Variants in GSTCD observed in about 807,000 individuals in gnomAD.
GSTCD encodes the protein glutathione S-transferase C-terminal domain containing, also known as glutathione S-transferase C-terminal domain-containing protein.
A neutral mutation model predicts 68.3 loss-of-function variants in GSTCD; 44 were observed. The observed-to-expected ratio is 0.64, with a 90% CI of 0.51 to 0.83. GSTCD has a LOEUF of 0.83. GSTCD is among the 40% of genes least tolerant of loss of function. The probability of loss-of-function intolerance (pLI) is 0.00; values close to 1 mark genes in which losing one functional copy is unlikely to be tolerated. For missense variants in GSTCD, 739 were observed against 735.9 expected (o/e 1.00, Z -0.05); for synonymous variants, 273 against 255.2 (o/e 1.07, Z -0.67).
chr4:105,803,374 T>C (rs1397914379), intron 5 of GSTCD, among the ~76,000 whole-genome samples: 2 of 151,856 alleles, frequency 1.3e-5, no homozygotes, highest in Admixed American at 6.6e-5. Flanking sequence ...AGAGAGGAGA[T>C]AGAAAAAGTA....
At chr4:105,734,231 C>T (rs1733371819) in intron 5 of GSTCD, among the ~76,000 whole-genome samples, 1 of 152,174 alleles carries the variant, frequency 6.6e-6, no homozygotes, top group Non-Finnish European at 1.5e-5. Context: ...TGAATGTTGG[C>T]CTGCCTTGCT....
chr4:105,728,929 C>T (rs988026093), intron 4 of GSTCD, among the ~76,000 whole-genome samples: 4 of 152,086 alleles, frequency 2.6e-5, no homozygotes, highest in Admixed American at 2.6e-4. Context: ...ATTAAAGGCA[C>T]TTATAAAAGA....
intron 8 of GSTCD, among the ~76,000 whole-genome samples, chr4:105,833,904 A>T (rs979528190): frequency 9.9e-5 from 15 of 152,096 alleles, no homozygotes; most frequent in African/African-American, 3.6e-4. Context: ...GTAACTCATC[A>T]TTCAATGTTA....
intron 5 of GSTCD, among the ~76,000 whole-genome samples, chr4:105,733,593 G>A (rs1008250881): frequency 3.3e-5 from 5 of 152,150 alleles, no homozygotes; most frequent in Non-Finnish European, 4.4e-5. Flanking sequence ...CTGCACGTCA[G>A]ATGGCTCTCC....
chr4:105,800,128 A>G (rs961264794), intron 5 of GSTCD, among the ~76,000 whole-genome samples: 5 of 152,220 alleles, frequency 3.3e-5, no homozygotes, highest in Middle Eastern at 3.2e-3. Flanking sequence ...TGGGCAATTT[A>G]CAAAGGAAAG....
chr4:105,800,431 A>G (rs1217128561), intron 5 of GSTCD, among the ~76,000 whole-genome samples: 1 of 152,174 alleles, frequency 6.6e-6, no homozygotes, highest in Non-Finnish European at 1.5e-5. Flanking sequence ...CAGCCAAACC[A>G]TATCAATACC....
At chr4:105,801,669 C>T (rs1160267428) in intron 5 of GSTCD, among the ~76,000 whole-genome samples, 1 of 151,164 alleles carries the variant, frequency 6.6e-6, no homozygotes, top group Non-Finnish European at 1.5e-5. Flanking sequence ...AATGAGCATG[C>T]AGTATTCTCT....
chr4:105,778,015 G>C (rs1735137220), intron 5 of GSTCD, among the ~76,000 whole-genome samples: 1 of 152,118 alleles, frequency 6.6e-6, no homozygotes, highest in Non-Finnish European at 1.5e-5. Flanking sequence ...ATTCAGAAGA[G>C]GGAATGATTA....
At chr4:105,730,552 G>A (rs1733199855) in intron 5 of GSTCD, among the ~76,000 whole-genome samples, 1 of 152,208 alleles carries the variant, frequency 6.6e-6, no homozygotes, top group Non-Finnish European at 1.5e-5. Flanking sequence ...TTTGAGAAGT[G>A]TCTGTTCATA....
intron 5 of GSTCD, among the ~76,000 whole-genome samples, chr4:105,749,784 G>A (rs942495350): frequency 1.3e-5 from 2 of 152,046 alleles, no homozygotes; most frequent in Non-Finnish European, 2.9e-5. Context: ...GTGACACCAA[G>A]AGAATGATCC....
chr4:105,748,041 G>C (rs1226546627), intron 5 of GSTCD, among the ~76,000 whole-genome samples: 2 of 152,020 alleles, frequency 1.3e-5, no homozygotes, highest in African/African-American at 2.4e-5. Context: ...GATCACTTGA[G>C]GTCAGGAGTT....
chr4:105,753,046 C>T (rs1734059536), intron 5 of GSTCD, among the ~76,000 whole-genome samples: 1 of 151,964 alleles, frequency 6.6e-6, no homozygotes, highest in African/African-American at 2.4e-5. Flanking sequence ...AAATATGTAC[C>T]CATTTCAAGA....
chr4:105,764,985 A>T (rs1055554912), intron 5 of GSTCD, among the ~76,000 whole-genome samples: 2 of 151,884 alleles, frequency 1.3e-5, no homozygotes, highest in Non-Finnish European at 2.9e-5. Flanking sequence ...GGCTTTCAAA[A>T]TTTTTTTTAC....
chr4:105,798,480 T>G lies in GSTCD; in HGVS notation c.1241-24474T>G, dbSNP rs1353003268. On this transcript the variant is annotated intron_variant, in intron 5 of 11. Transcript: ENST00000515279. ...GAGATGTTACTACCAATAGCAGCTA[T>G]AGTGTTATGAAATGAAGTTGTTAAG... Among the ~76,000 whole-genome samples the G allele has an allele frequency of 2.6e-5, 4 of 152,000 alleles. No individual in the cohort carries two copies. The East Asian group carries it at 7.7e-4, about 29-fold the overall frequency.
chr4:105,821,633 G>A (rs1723297298), intron 5 of GSTCD, among the ~76,000 whole-genome samples: 1 of 151,642 alleles, frequency 6.6e-6, no homozygotes, highest in Non-Finnish European at 1.5e-5. Flanking sequence ...AGGAAATTGG[G>A]TACTTCAATT....
rs748927070 is a variant in GSTCD at position 105,719,496 on chromosome 4, T to C, written c.863T>C (p.Ile288Thr). Residue 288 changes from isoleucine to threonine, a missense_variant, in exon 3 of 12, where the codon ATT (isoleucine) becomes ACT (threonine). By Grantham distance (89) the Ile-to-Thr change is moderately conservative. Coordinates refer to ENST00000515279, the MANE Select transcript of GSTCD (RefSeq NM_001370181.1). ...GGGCTTTACTTCACTCTGGCAGATA[T>C]TGTGCTCTTGCCCTGTATCCATCAT... ...AEGLYFTLAD[I>T]VLLPCIHHFL... is the part of the protein sequence containing the mutation. The C allele has an allele frequency of 2.9e-5, 46 of 1,613,882 alleles. No homozygotes were observed. The East Asian group carries it at 8.0e-4, about 28-fold the overall frequency.
chr4:105,733,449 T>C (rs1252573339), intron 5 of GSTCD, among the ~76,000 whole-genome samples: 1 of 152,214 alleles, frequency 6.6e-6, no homozygotes, highest in Non-Finnish European at 1.5e-5. Context: ...GTAATGGCCT[T>C]CTTAGTTCTT....
At chr4:105,787,034 A>G (rs1056577501) in intron 5 of GSTCD, among the ~76,000 whole-genome samples, 1 of 152,088 alleles carries the variant, frequency 6.6e-6, no homozygotes, top group African/African-American at 2.4e-5. Context: ...AACTTGTGCA[A>G]TGAATGGTCA....
intron 5 of GSTCD, among the ~76,000 whole-genome samples, chr4:105,750,044 G>A (rs1270854717): frequency 6.6e-6 from 1 of 152,146 alleles, no homozygotes; most frequent in Non-Finnish European, 1.5e-5. Context: ...TCACCACAGA[G>A]CATATAAGAT....
Sources: allele counts gnomAD v4.1 joint callset (sites outside exome capture counted in the v4.1 genomes callset), GRCh38; gene constraint gnomAD v4.1.1; transcripts MANE v1.5; gene names NCBI Gene and HGNC (gene_info 2026-07-23, HGNC 2026-07-21).